The following CELF2 variants were observed in gnomAD, a reference collection of about 807,000 sequenced individuals.
The protein encoded by CELF2 is CUGBP Elav-like family member 2.
Under a neutral mutation model 62.6 loss-of-function variants are expected in CELF2, and 8 were observed. The ratio of observed to expected loss-of-function variants is 0.13; its 90% CI spans 0.07 to 0.23. The LOEUF (loss-of-function observed/expected upper bound fraction) is 0.23, where lower values mean the gene tolerates loss of function less well. CELF2 is among the 10% of genes least tolerant of loss of function. CELF2 has a pLI of 1.00. For synonymous variants in CELF2, 258 were observed against 250.0 expected, an observed-to-expected ratio of 1.03 and a Z score of -0.30; for missense variants, 333 against 671.0, an observed-to-expected ratio of 0.50 and a Z score of 5.56.
chr10:10,704,554 T>C, the CELF2 span, among the ~76,000 whole-genome samples: 2,752 of 152,250 alleles, frequency 0.018, 43 homozygotes, highest in African/African-American at 0.042. Flanking sequence ...CAAACATACA[T>C]CAAGGGGTAC....
At chr10:10,886,866 G>A (rs1031997935) in intron 1 of CELF2, among the ~76,000 whole-genome samples, 4 of 152,234 alleles carry the variant, frequency 2.6e-5, no homozygotes, top group East Asian at 1.9e-4. Flanking sequence ...ATTAATGAGC[G>A]AGGGGCTGAC....
Position 10,957,164 on chromosome 10 carries a change from T to C in CELF2, c.89+37165T>C, listed in dbSNP as rs2048995543. Among the ~76,000 whole-genome samples the C allele has an allele frequency of 6.6e-6, 1 of 152,150 alleles. No homozygotes were observed. The highest frequency in any genetic ancestry group is 6.6e-5 in the Admixed American group (1 of 15,266). ...CTCTCTTTGCTGTGCCTCTCTGGAG[T>C]TCCTGACATTTCCGCAAATAAGTCT... On this transcript the variant is annotated intron_variant, in intron 2 of 13. Coordinates refer to the CELF2 transcript ENST00000636488. This position sits in a 1 kb window ranked among gnomAD's most constrained non-coding sequence, Gnocchi z 4.1.
At chr10:10,677,571 C>A in the CELF2 span, among the ~76,000 whole-genome samples, 1 of 152,152 alleles carries the variant, frequency 6.6e-6, no homozygotes, top group Non-Finnish European at 1.5e-5. Context: ...AATCAGAGTA[C>A]CTGCAAATTC....
chr10:10,748,300 G>A, the CELF2 span, among the ~76,000 whole-genome samples: 43 of 152,242 alleles, frequency 2.8e-4, no homozygotes, highest in African/African-American at 7.9e-4. Context: ...TGACTGGATC[G>A]TTGCACGGTC....
the CELF2 span, among the ~76,000 whole-genome samples, chr10:10,602,433 A>G: frequency 6.6e-6 from 1 of 152,194 alleles, no homozygotes; most frequent in Non-Finnish European, 1.5e-5. Flanking sequence ...AACGGTAGGA[A>G]CTAGATCACT....
chr10:10,688,780 A>T, the CELF2 span, among the ~76,000 whole-genome samples: 1 of 152,064 alleles, frequency 6.6e-6, no homozygotes, highest in Non-Finnish European at 1.5e-5. Context: ...CAAGAGTGTC[A>T]CTTGAAGCCA....
At chr10:10,968,623 G>A (rs906271419) in intron 2 of CELF2, among the ~76,000 whole-genome samples, 1 of 152,164 alleles carries the variant, frequency 6.6e-6, no homozygotes, top group East Asian at 1.9e-4. Context: ...GGACATATGT[G>A]CATTGTATTC....
the CELF2 span, among the ~76,000 whole-genome samples, chr10:10,758,436 G>A: frequency 1.3e-5 from 2 of 152,114 alleles, no homozygotes; most frequent in Non-Finnish European, 2.9e-5. Context: ...CAGGAATATG[G>A]GCCTGTGAAA....
At chr10:11,264,025 C>G (rs1280284516) in intron 5 of CELF2, among the ~76,000 whole-genome samples, 1 of 152,094 alleles carries the variant, frequency 6.6e-6, no homozygotes, top group Non-Finnish European at 1.5e-5. Flanking sequence ...GACAGAAACC[C>G]CTAAGGAGAC....
At chr10:10,688,727 G>T in the CELF2 span, among the ~76,000 whole-genome samples, 1 of 151,528 alleles carries the variant, frequency 6.6e-6, no homozygotes, top group South Asian at 2.1e-4. Context: ...TTTTTTTTTG[G>T]CTGGGCTCAG....
the CELF2 span, among the ~76,000 whole-genome samples, chr10:10,737,259 A>G: frequency 6.6e-6 from 1 of 152,150 alleles, no homozygotes; most frequent in East Asian, 1.9e-4. Flanking sequence ...CTTATTTTTG[A>G]AAAGCTATGA....
chr10:11,282,199 A>T (rs982407792), intron 8 of CELF2, among the ~76,000 whole-genome samples: 1 of 151,620 alleles, frequency 6.6e-6, no homozygotes, highest in Non-Finnish European at 1.5e-5. Flanking sequence ...CTTCTCTCAG[A>T]TGCAAAGTTT....
intron 1 of CELF2, among the ~76,000 whole-genome samples, chr10:11,164,522 CT>C (rs1565022270): frequency 6.6e-6 from 1 of 152,164 alleles, no homozygotes; most frequent in African/African-American, 2.4e-5. Flanking sequence ...GGCAGACTTT[CT>C]TTTTTTCTCT....
chr10:11,176,935 T>G (rs2133880524), intron 2 of CELF2, among the ~76,000 whole-genome samples: 1 of 152,286 alleles, frequency 6.6e-6, no homozygotes, highest in Non-Finnish European at 1.5e-5. Context: ...GGAAGCTTGC[T>G]CACTTTAATG....
chr10:10,727,510 C>T, the CELF2 span, among the ~76,000 whole-genome samples: 1 of 152,182 alleles, frequency 6.6e-6, no homozygotes, highest in Non-Finnish European at 1.5e-5. Flanking sequence ...GGCGCGGTGG[C>T]TCATGCCTGT....
chr10:10,603,785 A>T, the CELF2 span, among the ~76,000 whole-genome samples: 4 of 55,400 alleles, frequency 7.2e-5, no homozygotes, highest in Admixed American at 9.5e-4. Context: ...ATTTACACAT[A>T]CACACACACA....
chr10:10,667,197 C>T, the CELF2 span, among the ~76,000 whole-genome samples: 1 of 152,302 alleles, frequency 6.6e-6, no homozygotes, highest in South Asian at 2.1e-4. Flanking sequence ...TCTATGGAAG[C>T]TATAGTTATT....
chr10:10,510,694 A>G, the CELF2 span, among the ~76,000 whole-genome samples: 1 of 152,234 alleles, frequency 6.6e-6, no homozygotes, highest in Non-Finnish European at 1.5e-5. Context: ...ACCAGCACAT[A>G]GATAATTTAG....
chr10:11,270,247 T>C lies in CELF2; in HGVS notation c.619-419T>C, dbSNP rs922106333. 6.6e-6 allele frequency among the ~76,000 whole-genome samples: 1 copy of C among 152,146 alleles called. No homozygotes were observed. The highest frequency in any genetic ancestry group is 2.4e-5 in the African/African-American group (1 of 41,396). ...ACATGGCCATTCCCGTTACAGATTC[T>C]CCCCTTTGTCCTCTGTCCACCTGTG... is the stretch of plus-strand genomic sequence containing the variant. On this transcript the variant is annotated intron_variant, in intron 6 of 12. Transcript: ENST00000633077. The surrounding 1 kb of genome is among the most constrained non-coding windows in gnomAD (Gnocchi z 5.8).
Sources: allele counts gnomAD v4.1 joint callset (sites outside exome capture counted in the v4.1 genomes callset), GRCh38; gene constraint gnomAD v4.1.1; non-coding constraint Gnocchi (gnomAD v3.1); transcripts MANE v1.5; gene names NCBI Gene and HGNC (gene_info 2026-07-23, HGNC 2026-07-21).